CCDC60: variants seen among roughly 807,000 people sequenced by gnomAD.
CCDC60 encodes coiled-coil domain containing 60.
Under a neutral mutation model 63.5 loss-of-function variants are expected in CCDC60, and 54 were observed. The ratio of observed to expected loss-of-function variants is 0.85; its 90% CI spans 0.68 to 1.07. The LOEUF is 1.07. Ranked by LOEUF, CCDC60 falls within the 50% of genes least tolerant of loss-of-function variation. The pLI is 0.00. For missense variants in CCDC60, 651 were observed against 684.3 expected (o/e 0.95, Z 0.54); for synonymous variants, 206 against 238.8 (o/e 0.86, Z 1.27).
intron 2 of CCDC60, among the ~76,000 whole-genome samples, chr12:119,429,292 C>G (rs1956955283): frequency 6.6e-6 from 1 of 152,128 alleles, no homozygotes; most frequent in African/African-American, 2.4e-5. Flanking sequence ...CTTTCCTCTC[C>G]TCACTCCCTA....
chr12:119,356,080 G>A (rs142405976), intron 1 of CCDC60, among the ~76,000 whole-genome samples: 28 of 152,272 alleles, frequency 1.8e-4, no homozygotes, highest in South Asian at 8.3e-4. Flanking sequence ...AACATCTTCC[G>A]CAAATAGTGG....
chr12:119,529,444 T>C (rs796507824), intron 12 of CCDC60, among the ~76,000 whole-genome samples: 5 of 152,248 alleles, frequency 3.3e-5, no homozygotes, highest in African/African-American at 1.2e-4. Context: ...GTGTGCTCAT[T>C]TGCAATACAG....
chr12:119,372,659 T>C (rs1033862008), intron 1 of CCDC60, among the ~76,000 whole-genome samples: 4 of 152,194 alleles, frequency 2.6e-5, no homozygotes, highest in African/African-American at 9.6e-5. Flanking sequence ...CTCAGAGAGA[T>C]ATCTCGGTGC....
intron 13 of CCDC60, among the ~76,000 whole-genome samples, chr12:119,532,495 T>C (rs1952879843): frequency 6.6e-6 from 1 of 151,674 alleles, no homozygotes; most frequent in South Asian, 2.1e-4. Flanking sequence ...TAGGTATACA[T>C]GTGTCATGGT....
chr12:119,379,678 A>G (rs189941575), intron 1 of CCDC60, among the ~76,000 whole-genome samples: 36 of 152,378 alleles, frequency 2.4e-4, no homozygotes, highest in Middle Eastern at 3.4e-3. Context: ...TTTAATTGCC[A>G]TAGTCATACA....
rs1484873390 is a variant in CCDC60, at chr12:119,410,183, G to A, written c.91-18500G>A. Among the ~76,000 whole-genome samples, 1 of 13,320 alleles carries A rather than the reference G, an allele frequency of 7.5e-5. No homozygotes were observed. The highest frequency in any genetic ancestry group is 1.6e-4 in the Non-Finnish European group (1 of 6,320). 8.7% of individuals were successfully genotyped at this position (13,320 alleles called of 152,430 possible). A position where few individuals can be genotyped will look rare whatever the true frequency, so the allele number is the denominator to read the frequency against. ...AAGGTAGATGCTAGTGTTGGAAAGA[G>A]TGTGTGTGTGTGTGTGTCTGTGTGT... On this transcript the variant is annotated intron_variant, in intron 1 of 13. Transcript: ENST00000327554. The surrounding 1 kb of genome is among the most constrained non-coding windows in gnomAD (Gnocchi z 4.0).
At chr12:119,491,256 A>T (rs1183673971) in intron 5 of CCDC60, among the ~76,000 whole-genome samples, 1 of 152,196 alleles carries the variant, frequency 6.6e-6, no homozygotes, top group Admixed American at 6.5e-5. Context: ...CACTGAGGTC[A>T]TTTCCCAATT....
chr12:119,353,595 C>CTTTT (rs1955682395), intron 1 of CCDC60, among the ~76,000 whole-genome samples: 2 of 110,866 alleles, frequency 1.8e-5, no homozygotes, highest in African/African-American at 3.3e-5. Flanking sequence ...TCTTCTTCTT[C>CTTTT]TTCTTTTTTT....
chr12:119,438,615 T>C (rs1013663997), intron 2 of CCDC60, among the ~76,000 whole-genome samples: 3 of 152,222 alleles, frequency 2.0e-5, no homozygotes, highest in Non-Finnish European at 4.4e-5. Context: ...CACACTACTG[T>C]TGGGATTTTT....
chr12:119,376,096 C>T (rs1812826039), intron 1 of CCDC60, among the ~76,000 whole-genome samples: 1 of 152,178 alleles, frequency 6.6e-6, no homozygotes, highest in African/African-American at 2.4e-5. Flanking sequence ...GTGTTGGACA[C>T]GTTTTCTTCT....
At chr12:119,493,429 A>G (rs1383639218) in intron 5 of CCDC60, among the ~76,000 whole-genome samples, 1 of 152,096 alleles carries the variant, frequency 6.6e-6, no homozygotes, top group Non-Finnish European at 1.5e-5. Flanking sequence ...TGTTAGTTGC[A>G]GGATGATCTC....
intron 1 of CCDC60, among the ~76,000 whole-genome samples, chr12:119,424,375 G>T (rs1003275986): frequency 3.3e-5 from 5 of 152,170 alleles, no homozygotes; most frequent in South Asian, 2.1e-4. Context: ...AGACTCAAAT[G>T]CATCACATAC....
intron 1 of CCDC60, among the ~76,000 whole-genome samples, chr12:119,340,752 A>T (rs953112588): frequency 2.0e-5 from 3 of 152,212 alleles, no homozygotes; most frequent in African/African-American, 7.2e-5. Flanking sequence ...AGAAATTGTG[A>T]CCTGAAGAGA....
intron 1 of CCDC60, among the ~76,000 whole-genome samples, chr12:119,411,218 G>A (rs1956593754): frequency 6.6e-6 from 1 of 152,210 alleles, no homozygotes. Flanking sequence ...GGTGTGCTTA[G>A]GAAGGCATGT....
At chr12:119,507,513 T>C (rs1390112051) in intron 7 of CCDC60, among the ~76,000 whole-genome samples, 1 of 126,324 alleles carries the variant, frequency 7.9e-6, no homozygotes, top group Non-Finnish European at 1.6e-5. Flanking sequence ...CACACATATA[T>C]ATACATATAT....
intron 4 of CCDC60, among the ~76,000 whole-genome samples, chr12:119,480,850 A>G (rs1951296949): frequency 6.7e-6 from 1 of 149,698 alleles, no homozygotes; most frequent in African/African-American, 2.5e-5. Context: ...CCTCACCACC[A>G]TCATCACTGT....
At chr12:119,520,079 A>C in intron 8 of CCDC60, 42 bp from the exon 9 acceptor site, 1 of 1,576,794 alleles carries the variant, frequency 6.3e-7, no homozygotes. Flanking sequence ...CAAAATCTTC[A>C]TGAATTCAGC....
At chr12:119,498,332 T>C (rs868147890) in intron 5 of CCDC60, among the ~76,000 whole-genome samples, 2 of 143,888 alleles carry the variant, frequency 1.4e-5, no homozygotes, top group African/African-American at 2.6e-5. Flanking sequence ...GTTCATCCTC[T>C]TTTTTTTTTC....
intron 1 of CCDC60, among the ~76,000 whole-genome samples, chr12:119,337,855 TGTG>T: frequency 6.6e-6 from 1 of 151,876 alleles, no homozygotes; most frequent in Non-Finnish European, 1.5e-5. Context: ...TGTGTGTGTG[TGTG>T]TGTGTGTCTC....
Sources: allele counts gnomAD v4.1 joint callset (sites outside exome capture counted in the v4.1 genomes callset), GRCh38; gene constraint gnomAD v4.1.1; non-coding constraint Gnocchi (gnomAD v3.1); transcripts MANE v1.5; gene names NCBI Gene and HGNC (gene_info 2026-07-23, HGNC 2026-07-21).